DCT: variants seen among roughly 807,000 people sequenced by gnomAD.
The protein encoded by DCT is L-dopachrome tautomerase.
A neutral mutation model predicts 53.0 loss-of-function variants in DCT; 47 were observed. The observed-to-expected ratio is 0.89, with a 90% CI of 0.70 to 1.13. DCT has a LOEUF of 1.13. DCT is among the 50% of genes most tolerant of loss of function. DCT has a pLI of 0.00. For synonymous variants in DCT, 244 were observed against 237.0 expected (o/e 1.03, Z -0.27); for missense variants, 669 against 637.4 (o/e 1.05, Z -0.53).
chr13:94,544,512 A>C, the DCT span, among the ~76,000 whole-genome samples: 1 of 152,226 alleles, frequency 6.6e-6, no homozygotes, highest in Non-Finnish European at 1.5e-5. Context: ...TGAGATGAAG[A>C]GCTGTTCCCT....
chr13:94,514,063 C>A, the DCT span, among the ~76,000 whole-genome samples: 2 of 148,124 alleles, frequency 1.4e-5, no homozygotes, highest in Non-Finnish European at 3.0e-5. Flanking sequence ...CAGGGATTGG[C>A]GACGGGGCAA....
At chr13:94,473,773 T>G (rs59063549) in intron 1 of DCT, among the ~76,000 whole-genome samples, 35,170 of 151,826 alleles carry the variant, frequency 0.23, 4,377 homozygotes, top group Non-Finnish European at 0.28. Context: ...GAATGGGAAG[T>G]GGGGGGGTAA....
Position 94,436,941 on chromosome 13 carries a change from A to G in DCT, c.*2957T>C, listed in dbSNP as rs1881946504. 1 of 152,206 alleles carries G rather than the reference A, an allele frequency of 6.6e-6. No homozygotes were observed. Among genetic ancestry groups the G allele is most frequent in the African/African-American group, 2.4e-5 (1 of 41,450 alleles). 9.4% of individuals were successfully genotyped at this position (152,206 alleles called of 1,614,324 possible). A position where few individuals can be genotyped will look rare whatever the true frequency, so the allele number is the denominator to read the frequency against. On this transcript the variant is annotated 3_prime_UTR_variant, in exon 8 of 8. Transcript: ENST00000377028. ...GTCTCCAACAAATTGACCCATCTTG[A>G]AGGCTTATCTGGGAGATCACCAAGT...
At position 94,439,867 on chromosome 13, in the gene DCT, A is replaced by T; in HGVS notation, c.*31T>A. On this transcript the variant is annotated 3_prime_UTR_variant, in exon 8 of 8. Transcript: ENST00000377028. ...TCAGCGTCAGAACTGTGGCTTGGCCAGCCTCTTCTCTTAGGTAAGGCATGA... is the reference window on the plus strand; with the variant it reads ...TCAGCGTCAGAACTGTGGCTTGGCCTGCCTCTTCTCTTAGGTAAGGCATGA... 3 of 1,572,528 alleles carry T rather than the reference A, an allele frequency of 1.9e-6. No homozygotes were observed. The highest frequency in any genetic ancestry group is 2.6e-6 in the Non-Finnish European group (3 of 1,155,536).
At chr13:94,510,771 G>A in the DCT span, among the ~76,000 whole-genome samples, 6 of 151,950 alleles carry the variant, frequency 3.9e-5, no homozygotes, top group East Asian at 1.2e-3. Context: ...ACTTCTTTTT[G>A]AGCTCCAAGC....
Position 94,453,172 on chromosome 13 carries a change from A to T in DCT, c.1179+6919T>A, listed in dbSNP as rs542794264. ...GACATGATTTAGAGTATACAGAAGG[A>T]TGTGCGTACCTTATATGCAAATATA... On this transcript the variant is annotated intron_variant, in intron 6 of 7. Transcript: ENST00000377028. Among the ~76,000 whole-genome samples, 65 of 152,238 alleles carry T rather than the reference A, an allele frequency of 4.3e-4. No individual in the cohort carries two copies. In the South Asian group the frequency reaches 6.4e-3, roughly 15 times the overall value.
At chr13:94,468,634 T>G in intron 2 of DCT, 112 bp downstream of exon 2, 1 of 933,252 alleles carries the variant, frequency 1.1e-6, no homozygotes. Flanking sequence ...AACCTAAGGC[T>G]GCCTTGTGGT....
intron 6 of DCT, among the ~76,000 whole-genome samples, chr13:94,456,817 G>A (rs1342424184): frequency 6.6e-6 from 1 of 152,178 alleles, no homozygotes; most frequent in Admixed American, 6.5e-5. Context: ...CAGTCATGAA[G>A]CCTCCAAAAA....
the DCT span, among the ~76,000 whole-genome samples, chr13:94,530,273 C>T: frequency 6.6e-6 from 1 of 152,206 alleles, no homozygotes; most frequent in Non-Finnish European, 1.5e-5. Context: ...AGGGAATCCT[C>T]CCGAACTCAT....
chr13:94,463,638 TC>T (rs1566834940), intron 4 of DCT, among the ~76,000 whole-genome samples: 1 of 152,176 alleles, frequency 6.6e-6, no homozygotes, highest in Non-Finnish European at 1.5e-5. Context: ...ACTATGTTAC[TC>T]AGGCTGGTCT....
Position 94,479,193 on chromosome 13 carries a change from G to C in DCT, c.63C>G (p.Ala21=), listed in dbSNP as rs753397636. ...TGCAGACTCGGGGGAACTGACCCTGGGCTCCTGGCAGGATTTTGCAGCCCA... is the reference window on the plus strand; with the variant it reads ...TGCAGACTCGGGGGAACTGACCCTGCGCTCCTGGCAGGATTTTGCAGCCCA... ...SCLGCKILPG[A]QGQFPRVCMT... The change falls in exon 1 of 8, where the codon GCC becomes GCG. Residue 21 remains alanine, a synonymous_variant. Coordinates refer to ENST00000377028, the MANE Select transcript of DCT (RefSeq NM_001922.5). The C allele has an allele frequency of 6.2e-6, 10 of 1,610,016 alleles. No individual in the cohort carries two copies. In the Admixed American group the frequency reaches 1.0e-4, roughly 16 times the overall value.
chr13:94,483,840 T>A (rs1186226474), upstream of DCT, among the ~76,000 whole-genome samples: 1 of 152,146 alleles, frequency 6.6e-6, no homozygotes, highest in African/African-American at 2.4e-5. Flanking sequence ...ATCAGCATGG[T>A]CTTTTTTACG....
At chr13:94,519,722 G>C in the DCT span, among the ~76,000 whole-genome samples, 2 of 152,096 alleles carry the variant, frequency 1.3e-5, no homozygotes, top group Non-Finnish European at 2.9e-5. Flanking sequence ...AGGTATGGTA[G>C]AGGCCAGTGG....
chr13:94,528,035 C>T, the DCT span, among the ~76,000 whole-genome samples: 1 of 152,044 alleles, frequency 6.6e-6, no homozygotes, highest in Non-Finnish European at 1.5e-5. Context: ...AAGAAAGGAT[C>T]TCAGTGATTG....
At chr13:94,444,559 C>T (rs2139280285) in intron 6 of DCT, 2 of 328,092 alleles carry the variant, frequency 6.1e-6, no homozygotes, top group South Asian at 5.0e-5. Flanking sequence ...ACATTGATAG[C>T]CCTGATTTTG....
chr13:94,478,431 A>G (rs919775215), intron 1 of DCT, among the ~76,000 whole-genome samples: 1 of 152,012 alleles, frequency 6.6e-6, no homozygotes, highest in African/African-American at 2.4e-5. Context: ...GAGCTGAGAT[A>G]GCACCATTGC....
chr13:94,537,565 C>G, the DCT span, among the ~76,000 whole-genome samples: 5 of 152,202 alleles, frequency 3.3e-5, no homozygotes. Context: ...GCTTCCTGCT[C>G]TCCTGTGCTG....
In DCT at chr13:94,468,624, A is replaced by G. The variant is rs1884387139; in HGVS notation, c.595+122T>C. 1.4e-5 allele frequency: 12 copies of G among 882,632 alleles called. No homozygotes were observed. In the South Asian group the frequency reaches 2.0e-4, roughly 14 times the overall value. The allele number at this position is 882,632 out of a possible 1,614,324, so 54.7% of individuals were successfully genotyped here. ...ATTTGATAATTCTACGACTTTCATA[A>G]ACCTAAGGCTGCCTTGTGGTTGCTC... On this transcript the variant is annotated intron_variant, in intron 2 of 7. Transcript: ENST00000377028.
chr13:94,507,494 G>A, the DCT span, among the ~76,000 whole-genome samples: 1 of 143,994 alleles, frequency 6.9e-6, no homozygotes, highest in Non-Finnish European at 1.5e-5. Context: ...TGCATTTCTG[G>A]TATATTGACT....
Sources: gnomAD v4.1 joint callset for allele counts (sites outside exome capture counted in the v4.1 genomes callset) on GRCh38, gnomAD v4.1.1 for gene constraint, MANE v1.5 for transcripts, NCBI Gene and HGNC (gene_info 2026-07-23, HGNC 2026-07-21) for gene names.